The following SGPP2 variants were observed in gnomAD, a reference collection of about 807,000 sequenced individuals.
The protein encoded by SGPP2 is sphingosine 1-phosphate phosphohydrolase 2.
SGPP2 carries 30 observed loss-of-function variants against 33.9 expected under a neutral mutation model. That is an observed-to-expected ratio of 0.89 (90% CI 0.66 to 1.20). The LOEUF (loss-of-function observed/expected upper bound fraction) is 1.20, where lower values mean the gene tolerates loss of function less well. SGPP2 is among the 50% of genes most tolerant of loss of function. The pLI is 0.00. For synonymous variants in SGPP2, 233 were observed against 225.0 expected (o/e 1.04, Z -0.32); for missense variants, 458 against 532.1 (o/e 0.86, Z 1.37).
chr2:222,463,431 GC>G (rs770381155), intron 1 of SGPP2, among the ~76,000 whole-genome samples: 6 of 152,076 alleles, frequency 3.9e-5, no homozygotes, highest in Non-Finnish European at 8.8e-5. Flanking sequence ...ACATAGTAAG[GC>G]CCTGTCTCTA....
At chr2:222,446,113 A>G (rs988532573) in intron 1 of SGPP2, among the ~76,000 whole-genome samples, 4 of 152,238 alleles carry the variant, frequency 2.6e-5, no homozygotes, top group Admixed American at 6.5e-5. Flanking sequence ...CTGGGGGCTT[A>G]TACCTAGAGA....
intron 1 of SGPP2, among the ~76,000 whole-genome samples, chr2:222,472,319 G>A (rs1441310156): frequency 6.6e-6 from 1 of 152,134 alleles, no homozygotes. Flanking sequence ...TTGAGAAAGA[G>A]TTTAATTAAT....
chr2:222,485,659 C>G (rs1397535379), intron 2 of SGPP2, among the ~76,000 whole-genome samples: 2 of 152,044 alleles, frequency 1.3e-5, no homozygotes. Flanking sequence ...GGGTATTTTT[C>G]TTGTCAATTC....
chr2:222,526,081 C>T (rs1311272470), intron 4 of SGPP2, among the ~76,000 whole-genome samples: 1 of 152,180 alleles, frequency 6.6e-6, no homozygotes, highest in East Asian at 1.9e-4. Flanking sequence ...GCAATTGACT[C>T]GAGGCCAGGC....
rs962229434 is a variant in SGPP2 at position 222,460,061 on chromosome 2, C to A, written c.220-14507C>A. On this transcript the variant is annotated intron_variant, in intron 1 of 4. Coordinates refer to ENST00000321276, the MANE Select transcript of SGPP2 (RefSeq NM_152386.4). The surrounding 1 kb of genome is among the most constrained non-coding windows in gnomAD (Gnocchi z 4.3). ...CAGAGCAGGAATCTGAAGCGCGCGG[C>A]CCTCGGTGACGGGGCTCAGTCAAAA... Among the ~76,000 whole-genome samples, 2 of 152,208 alleles carry A rather than the reference C, an allele frequency of 1.3e-5. No homozygotes were observed. The highest frequency in any genetic ancestry group is 2.9e-5 in the Non-Finnish European group (2 of 68,046).
At chr2:222,485,199 C>A (rs537934827) in intron 2 of SGPP2, among the ~76,000 whole-genome samples, 2 of 152,332 alleles carry the variant, frequency 1.3e-5, no homozygotes, top group African/African-American at 4.8e-5. Context: ...ACTCTTCTCC[C>A]CAGTCCAATT....
chr2:222,498,590 A>C (rs938719583), intron 2 of SGPP2, among the ~76,000 whole-genome samples: 3 of 151,796 alleles, frequency 2.0e-5, no homozygotes, highest in African/African-American at 7.3e-5. Context: ...TTTTTTTTCA[A>C]AAAAAAAATT....
At chr2:222,474,783 G>GATACTCA in intron 2 of SGPP2, 57 bp downstream of exon 2, 4 of 1,336,482 alleles carry the variant, frequency 3.0e-6, no homozygotes, top group Non-Finnish European at 4.1e-6. Context: ...TACTTCCTTT[G>GATACTCA]ATACTCAAGT....
At chr2:222,449,770 C>A (rs1051327609) in intron 1 of SGPP2, among the ~76,000 whole-genome samples, 11 of 152,238 alleles carry the variant, frequency 7.2e-5, no homozygotes, top group Middle Eastern at 3.4e-3. Context: ...AAAATTCTGG[C>A]AACTAATTTT....
intron 4 of SGPP2, among the ~76,000 whole-genome samples, chr2:222,538,603 C>T (rs963975686): frequency 6.6e-6 from 1 of 152,102 alleles, no homozygotes; most frequent in African/African-American, 2.4e-5. Context: ...ATGAAGCTTC[C>T]TTGTTTTAAT....
At chr2:222,452,698 A>G (rs1474035037) in intron 1 of SGPP2, 1 of 1,375,282 alleles carries the variant, frequency 7.3e-7, no homozygotes, top group African/African-American at 1.4e-5. Context: ...CTGCAGCTTG[A>G]ATTGCTCCAG....
intron 1 of SGPP2, among the ~76,000 whole-genome samples, chr2:222,426,206 T>A (rs1327232281): frequency 1.6e-5 from 1 of 64,442 alleles, no homozygotes; most frequent in Non-Finnish European, 2.6e-5. Context: ...CGAGACTCCG[T>A]CTCAAAAAAA....
chr2:222,559,022 C>A lies in SGPP2; in HGVS notation c.*124C>A. On this transcript the variant is annotated 3_prime_UTR_variant, in exon 5 of 5. Transcript: ENST00000321276. ...AACAAAAAGTCATACGGCTGTCTTG[C>A]TACTACCAGATAAATGATGCTGCTG... 2 of 864,576 alleles carry A rather than the reference C, an allele frequency of 2.3e-6. No homozygotes were observed. The highest frequency in any genetic ancestry group is 1.7e-5 in the African/African-American group (1 of 59,198). 53.6% of individuals were successfully genotyped at this position (864,576 alleles called of 1,614,324 possible). A position where few individuals can be genotyped will look rare whatever the true frequency, so the allele number is the denominator to read the frequency against.
At chr2:222,511,251 G>A (rs967946501) in intron 2 of SGPP2, among the ~76,000 whole-genome samples, 30 of 152,146 alleles carry the variant, frequency 2.0e-4, no homozygotes, top group Non-Finnish European at 3.1e-4. Flanking sequence ...TTGGTTCCCT[G>A]GAAAACCTTT....
intron 3 of SGPP2, among the ~76,000 whole-genome samples, chr2:222,523,688 T>A (rs1698717824): frequency 6.6e-6 from 1 of 151,274 alleles, no homozygotes; most frequent in East Asian, 1.9e-4. Context: ...ATTGGTTTAT[T>A]TATATATTAT....
At chr2:222,426,166 C>T (rs527301541) in intron 1 of SGPP2, among the ~76,000 whole-genome samples, 5 of 142,476 alleles carry the variant, frequency 3.5e-5, no homozygotes, top group African/African-American at 1.3e-4. Context: ...GCCAAGATCA[C>T]GCCACTGCAC....
In SGPP2 at chr2:222,460,952, A is replaced by C. The variant is rs958336987; in HGVS notation, c.220-13616A>C. Among the ~76,000 whole-genome samples the C allele has an allele frequency of 6.6e-6, 1 of 152,156 alleles. No individual in the cohort carries two copies. The highest frequency in any genetic ancestry group is 2.1e-4 in the South Asian group (1 of 4,832). On this transcript the variant is annotated intron_variant, in intron 1 of 4. Coordinates refer to ENST00000321276, the MANE Select transcript of SGPP2 (RefSeq NM_152386.4). The surrounding 1 kb of genome is among the most constrained non-coding windows in gnomAD (Gnocchi z 4.3). ...CACTCTGTTGCCCAGGCTGAAGTGCAGTGGCATGATAATAGCTCACTGCAG... is the reference window on the plus strand; with the variant it reads ...CACTCTGTTGCCCAGGCTGAAGTGCCGTGGCATGATAATAGCTCACTGCAG...
intron 2 of SGPP2, among the ~76,000 whole-genome samples, chr2:222,491,138 T>G: frequency 6.8e-6 from 1 of 146,850 alleles, no homozygotes; most frequent in Admixed American, 6.8e-5. Context: ...CACTTCCAAA[T>G]ATATATTTTT....
intron 4 of SGPP2, among the ~76,000 whole-genome samples, chr2:222,537,396 A>G (rs1050209668): frequency 6.6e-6 from 1 of 152,252 alleles, no homozygotes; most frequent in African/African-American, 2.4e-5. Context: ...AAAGCCCAGC[A>G]TTCCAGTGGA....
Sources: allele counts gnomAD v4.1 joint callset (sites outside exome capture counted in the v4.1 genomes callset), GRCh38; gene constraint gnomAD v4.1.1; non-coding constraint Gnocchi (gnomAD v3.1); transcripts MANE v1.5; gene names NCBI Gene and HGNC (gene_info 2026-07-23, HGNC 2026-07-21).